LY96: variants seen among roughly 807,000 people sequenced by gnomAD.
LY96 encodes the protein myeloid differentiation protein-2.
A neutral mutation model predicts 18.9 loss-of-function variants in LY96; 18 were observed. The observed-to-expected ratio is 0.95, with a 90% CI of 0.66 to 1.41. LY96 has a LOEUF of 1.41. Ranked by LOEUF, LY96 falls within the 40% of genes most tolerant of loss-of-function variation. The pLI is 0.00. For synonymous variants in LY96, 66 were observed against 62.6 expected (o/e 1.06, Z -0.26); for missense variants, 175 against 182.4 (o/e 0.96, Z 0.23).
rs918519175 is a variant in LY96 at position 73,991,440 on chromosome 8, A to C, written c.-3A>C. The C allele has an allele frequency of 6.6e-7, 1 of 1,522,402 alleles. No individual in the cohort carries two copies. The highest frequency in any genetic ancestry group is 1.7e-5 in the Admixed American group (1 of 59,912). The allele number at this position is 1,522,402 out of a possible 1,614,324, so 94.3% of individuals were successfully genotyped here. On this transcript the variant is annotated 5_prime_UTR_variant, in exon 1 of 5. Coordinates refer to ENST00000284818, the MANE Select transcript of LY96 (RefSeq NM_015364.5). The stretch of plus-strand genomic sequence containing the variant: ...ATTTGTAAAGCTTTGGAGATATTGA[A>C]TCATGTTACCATTTCTGTTTTTTTC...
the LY96 span, among the ~76,000 whole-genome samples, chr8:74,050,925 A>G: frequency 6.6e-6 from 1 of 152,314 alleles, no homozygotes; most frequent in East Asian, 1.9e-4. Flanking sequence ...CAGGAGGCTG[A>G]GGCAGGAGAA....
chr8:74,040,162 G>A, the LY96 span, among the ~76,000 whole-genome samples: 6 of 152,182 alleles, frequency 3.9e-5, no homozygotes, highest in Non-Finnish European at 7.3e-5. Flanking sequence ...GTAATGCAAC[G>A]AAGAGTAATA....
At chr8:74,076,288 A>G in the LY96 span, among the ~76,000 whole-genome samples, 4 of 151,622 alleles carry the variant, frequency 2.6e-5, no homozygotes, top group Admixed American at 2.6e-4. Context: ...ACATCCATCA[A>G]ATGCCAAGGA....
chr8:74,016,925 G>A (rs745829143), intron 3 of LY96, among the ~76,000 whole-genome samples: 1 of 152,186 alleles, frequency 6.6e-6, no homozygotes, highest in South Asian at 2.1e-4. Flanking sequence ...ACCAAAGGTA[G>A]GTAAAACCAC....
At chr8:74,063,689 TTA>T in the LY96 span, among the ~76,000 whole-genome samples, 97 of 146,756 alleles carry the variant, frequency 6.6e-4, 1 homozygote, top group African/African-American at 2.5e-3. Context: ...TTATAAATTT[TTA>T]TGATTTTCTT....
the LY96 span, among the ~76,000 whole-genome samples, chr8:74,097,187 G>C: frequency 6.6e-6 from 1 of 152,164 alleles, no homozygotes; most frequent in Non-Finnish European, 1.5e-5. Context: ...TGGATGCATG[G>C]AGATGATCAT....
chr8:74,051,624 T>TG, the LY96 span, among the ~76,000 whole-genome samples: 5 of 152,084 alleles, frequency 3.3e-5, no homozygotes, highest in African/African-American at 9.7e-5. Flanking sequence ...GGCGGGGTCT[T>TG]GGGGGAGGTA....
At chr8:74,043,401 A>G in the LY96 span, among the ~76,000 whole-genome samples, 1 of 152,164 alleles carries the variant, frequency 6.6e-6, no homozygotes, top group South Asian at 2.1e-4. Flanking sequence ...AGGGCTTTTG[A>G]GAGGTAAGAT....
chr8:74,037,098 G>A, the LY96 span, among the ~76,000 whole-genome samples: 2 of 152,252 alleles, frequency 1.3e-5, no homozygotes, highest in African/African-American at 4.8e-5. Context: ...CTACTCTAGG[G>A]TGGATCTTGA....
intron 1 of LY96, 23 bp from the exon 2 acceptor site, chr8:74,004,773 G>A: frequency 6.5e-7 from 1 of 1,528,680 alleles, no homozygotes; most frequent in Non-Finnish European, 9.0e-7. Flanking sequence ...GTAATTTATT[G>A]ACATTATCTT....
At chr8:74,086,488 T>C in the LY96 span, among the ~76,000 whole-genome samples, 5 of 152,214 alleles carry the variant, frequency 3.3e-5, no homozygotes, top group African/African-American at 1.2e-4. Context: ...AGAATTTCCA[T>C]GGCTGTTATA....
At chr8:74,068,846 G>A in the LY96 span, among the ~76,000 whole-genome samples, 1 of 152,126 alleles carries the variant, frequency 6.6e-6, no homozygotes, top group Non-Finnish European at 1.5e-5. Flanking sequence ...ACCCAGGCTG[G>A]AGTGCAGTGG....
chr8:74,003,645 T>C (rs2131261934), intron 1 of LY96, among the ~76,000 whole-genome samples: 1 of 152,266 alleles, frequency 6.6e-6, no homozygotes, highest in Admixed American at 6.5e-5. Flanking sequence ...TAAACTCATA[T>C]CATAAAAGAA....
the LY96 span, among the ~76,000 whole-genome samples, chr8:74,054,434 G>A: frequency 3.3e-5 from 5 of 152,172 alleles, no homozygotes; most frequent in Non-Finnish European, 7.3e-5. Flanking sequence ...AGGCTTCAGG[G>A]TTGGTCTAAT....
chr8:74,028,977 G>T lies in LY96; in HGVS notation c.406G>T (p.Glu136Ter). ...FSKGKYKCVVEAISGSPEEML... is the reference protein window; with the variant it reads ...FSKGKYKCVV ...TTAGGGAAAATACAAATGTGTTGTTGAAGCTATTTCTGGGAGCCCAGAAGA... is the reference window on the plus strand; with the variant it reads ...TTAGGGAAAATACAAATGTGTTGTTTAAGCTATTTCTGGGAGCCCAGAAGA... The change falls in exon 5 of 5, where the codon GAA (glutamate) becomes TAA (stop). Residue 136 changes from glutamate to a stop codon, truncating the protein, a stop_gained. Coordinates refer to ENST00000284818, the MANE Select transcript of LY96 (RefSeq NM_015364.5). LOFTEE classifies it low-confidence loss of function (END_TRUNC). 1 of 1,608,822 alleles carries T rather than the reference G, an allele frequency of 6.2e-7. No homozygotes were observed. Among genetic ancestry groups the T allele is most frequent in the Non-Finnish European group, 8.5e-7 (1 of 1,175,982 alleles).
At chr8:74,045,319 A>G in the LY96 span, among the ~76,000 whole-genome samples, 3 of 152,234 alleles carry the variant, frequency 2.0e-5, no homozygotes, top group Non-Finnish European at 4.4e-5. Flanking sequence ...ACAACAGATG[A>G]AAATAAAAAC....
At chr8:74,081,025 TC>T in the LY96 span, among the ~76,000 whole-genome samples, 2 of 133,202 alleles carry the variant, frequency 1.5e-5, no homozygotes, top group Non-Finnish European at 3.1e-5. Flanking sequence ...TTTCTTTCTT[TC>T]TTTCTTTCTT....
At chr8:74,089,982 A>G in the LY96 span, among the ~76,000 whole-genome samples, 2 of 151,926 alleles carry the variant, frequency 1.3e-5, no homozygotes, top group Non-Finnish European at 2.9e-5. Context: ...GGGAGGATGG[A>G]GAGAGGTGGA....
chr8:74,078,965 G>A, the LY96 span, among the ~76,000 whole-genome samples: 3 of 152,198 alleles, frequency 2.0e-5, no homozygotes, highest in East Asian at 1.9e-4. Flanking sequence ...AATTTGATGT[G>A]TTAACTTGAC....
Sources: gnomAD v4.1 joint callset for allele counts (sites outside exome capture counted in the v4.1 genomes callset) on GRCh38, gnomAD v4.1.1 for gene constraint, MANE v1.5 for transcripts, NCBI Gene and HGNC (gene_info 2026-07-23, HGNC 2026-07-21) for gene names.